MAP2K4: variants seen among roughly 807,000 people sequenced by gnomAD.
MAP2K4 encodes mitogen-activated protein kinase kinase 4, also known as dual specificity mitogen-activated protein kinase kinase 4.
In MAP2K4, 4 loss-of-function variants were observed where a neutral mutation model predicts 48.5. The ratio of observed to expected loss-of-function variants is 0.08; its 90% CI spans 0.04 to 0.19. The LOEUF is 0.19. Among genes scored for constraint, MAP2K4 ranks in the 10% least tolerant of loss-of-function variants. The pLI is 1.00. For missense variants in MAP2K4, 258 were observed against 493.3 expected (o/e 0.52, Z 4.52); for synonymous variants, 166 against 173.1 (o/e 0.96, Z 0.32).
At position 12,128,315 on chromosome 17, in the gene MAP2K4, G is replaced by A. The variant is rs547643286; in HGVS notation, c.892-824G>A. 1.1e-4 allele frequency among the ~76,000 whole-genome samples: 16 copies of A among 152,300 alleles called. 1 individual carries two copies. In the South Asian group the frequency reaches 3.1e-3, roughly 30 times the overall value. On this transcript the variant is annotated intron_variant, in intron 8 of 10. Coordinates refer to ENST00000353533, the MANE Select transcript of MAP2K4 (RefSeq NM_003010.4). ...GATGGTGTCCATCTCCTGACCTCCT[G>A]ATCCACCCGCCTCGGCATCCCAAAG...
intron 7 of MAP2K4, 59 bp from the exon 8 acceptor site, chr17:12,125,235 A>G (rs1972818068): frequency 7.7e-7 from 1 of 1,298,518 alleles, no homozygotes; most frequent in Non-Finnish European, 1.1e-6. Flanking sequence ...TGTTGCTTCC[A>G]TTTGCCTATT....
At chr17:12,107,488 A>AT (rs151007507) in intron 4 of MAP2K4, among the ~76,000 whole-genome samples, 5,455 of 111,306 alleles carry the variant, frequency 0.049, 148 homozygotes, top group Non-Finnish European at 0.072. Context: ...CACATTTCCT[A>AT]TTTTTTTTTC....
At chr17:12,069,551 A>G (rs1049972272) in intron 2 of MAP2K4, 5 of 187,474 alleles carry the variant, frequency 2.7e-5, no homozygotes, top group African/African-American at 7.1e-5. Flanking sequence ...TGTCTAATAC[A>G]TTCTGTTCAC....
At chr17:12,085,211 G>C (rs1971321819) in intron 3 of MAP2K4, among the ~76,000 whole-genome samples, 1 of 152,134 alleles carries the variant, frequency 6.6e-6, no homozygotes, top group South Asian at 2.1e-4. Context: ...AAATGAGAGG[G>C]AGTATAAGGA....
chr17:12,081,656 C>A lies in MAP2K4; in HGVS notation c.393+126C>A. The A allele has an allele frequency of 3.3e-6, 3 of 916,956 alleles. No individual in the cohort carries two copies. The highest frequency in any genetic ancestry group is 5.0e-6 in the Non-Finnish European group (3 of 603,172). The allele number at this position is 916,956 out of a possible 1,614,324, so 56.8% of individuals were successfully genotyped here. A position where few individuals can be genotyped will look rare whatever the true frequency, so the allele number is the denominator to read the frequency against. On this transcript the variant is annotated intron_variant, in intron 3 of 10. Transcript: ENST00000353533. The surrounding 1 kb of genome is among the most constrained non-coding windows in gnomAD (Gnocchi z 4.2). The stretch of plus-strand genomic sequence containing the variant: ...GTGGGTGTTTAAAAAATTGTTTCTC[C>A]AACTCCTTTGAGGGTGTTCTGTGTA...
At chr17:12,025,757 C>A (rs1030379762) in intron 1 of MAP2K4, among the ~76,000 whole-genome samples, 1 of 152,146 alleles carries the variant, frequency 6.6e-6, no homozygotes, top group Admixed American at 6.5e-5. Flanking sequence ...TGAAGTATAT[C>A]TGTTAAGAAA....
intron 4 of MAP2K4, among the ~76,000 whole-genome samples, chr17:12,098,884 TA>T (rs1461536630): frequency 6.6e-6 from 1 of 152,090 alleles, no homozygotes; most frequent in Non-Finnish European, 1.5e-5. Flanking sequence ...TTGCAGCAAC[TA>T]TTTATTTATT....
rs571630680 is a variant in MAP2K4, at chr17:12,022,706, G to A, written c.115+1705G>A. On this transcript the variant is annotated intron_variant, in intron 1 of 10. Coordinates refer to ENST00000353533, the MANE Select transcript of MAP2K4 (RefSeq NM_003010.4). The stretch of plus-strand genomic sequence containing the variant: ...GAACATCTCTAACTGTCCTCATGGA[G>A]GTTATCCCCCTGTGAAGATGGGGGA... Among the ~76,000 whole-genome samples the A allele has an allele frequency of 6.6e-5, 10 of 152,264 alleles. No homozygotes were observed. In the South Asian group the frequency reaches 2.1e-3, roughly 32 times the overall value.
At chr17:12,135,832 G>T (rs535643801) in intron 9 of MAP2K4, among the ~76,000 whole-genome samples, 49 of 152,316 alleles carry the variant, frequency 3.2e-4, no homozygotes, top group Middle Eastern at 6.8e-3. Context: ...TTACAGGGGT[G>T]AACCATCGTG....
At chr17:12,061,669 C>G (rs1970452367) in intron 2 of MAP2K4, among the ~76,000 whole-genome samples, 2 of 152,200 alleles carry the variant, frequency 1.3e-5, no homozygotes, top group African/African-American at 2.4e-5. Context: ...GAAGATAGCC[C>G]TGGTTTTTTA....
chr17:12,113,468 A>G, intron 7 of MAP2K4, 108 bp downstream of exon 7: 2 of 1,369,346 alleles, frequency 1.5e-6, no homozygotes, highest in Non-Finnish European at 2.0e-6. Context: ...CTGCTAGAAT[A>G]TTTCCCTTAC....
At chr17:12,112,120 G>A (rs1035160888) in intron 6 of MAP2K4, among the ~76,000 whole-genome samples, 1 of 152,138 alleles carries the variant, frequency 6.6e-6, no homozygotes, top group African/African-American at 2.4e-5. Context: ...TTTTCGAGGT[G>A]TGGATGTTGA....
At chr17:12,118,352 A>G (rs955183034) in intron 7 of MAP2K4, among the ~76,000 whole-genome samples, 22 of 152,180 alleles carry the variant, frequency 1.4e-4, no homozygotes, top group Non-Finnish European at 2.9e-5. Context: ...AGGCCCGTAT[A>G]GGTATAAATC....
At chr17:12,021,755 A>AAAAC (rs55711422) in intron 1 of MAP2K4, among the ~76,000 whole-genome samples, 2 of 150,996 alleles carry the variant, frequency 1.3e-5, no homozygotes, top group Non-Finnish European at 1.5e-5. Flanking sequence ...AAAAAAAAAA[A>AAAAC]GAAGACTTAA....
At chr17:12,045,194 T>C (rs968790296) in intron 1 of MAP2K4, among the ~76,000 whole-genome samples, 1 of 152,222 alleles carries the variant, frequency 6.6e-6, no homozygotes, top group Admixed American at 6.5e-5. Flanking sequence ...ATTTTTTTTT[T>C]CATATGCACA....
intron 9 of MAP2K4, among the ~76,000 whole-genome samples, chr17:12,132,968 G>C (rs892389224): frequency 6.6e-6 from 1 of 152,190 alleles, no homozygotes; most frequent in Non-Finnish European, 1.5e-5. Context: ...TGGCATTCTG[G>C]AGATGTATAG....
intron 2 of MAP2K4, among the ~76,000 whole-genome samples, chr17:12,058,705 T>A (rs1476136981): frequency 2.0e-5 from 3 of 152,210 alleles, no homozygotes; most frequent in Non-Finnish European, 4.4e-5. Context: ...TCAGATGTTA[T>A]GCAATCTACA....
intron 8 of MAP2K4, among the ~76,000 whole-genome samples, chr17:12,126,896 T>C (rs1972871973): frequency 6.6e-6 from 1 of 152,234 alleles, no homozygotes; most frequent in African/African-American, 2.4e-5. Context: ...TAGATGAGGC[T>C]GTCCTGTAGG....
chr17:12,054,614 A>G (rs1261795099), intron 1 of MAP2K4, among the ~76,000 whole-genome samples: 1 of 152,126 alleles, frequency 6.6e-6, no homozygotes, highest in Non-Finnish European at 1.5e-5. Flanking sequence ...TTCACTTGCA[A>G]AAGTATTAAC....
Sources: allele counts gnomAD v4.1 joint callset (sites outside exome capture counted in the v4.1 genomes callset), GRCh38; gene constraint gnomAD v4.1.1; non-coding constraint Gnocchi (gnomAD v3.1); transcripts MANE v1.5; gene names NCBI Gene and HGNC (gene_info 2026-07-23, HGNC 2026-07-21).